Variants in HS1BP3 observed in about 807,000 individuals in gnomAD.
HS1BP3 encodes the protein HCLS1-binding protein 3.
A neutral mutation model predicts 33.5 loss-of-function variants in HS1BP3; 32 were observed. The observed-to-expected ratio is 0.95, with a 90% CI of 0.72 to 1.28. The LOEUF is 1.28. Ranked by LOEUF, HS1BP3 falls within the 50% of genes most tolerant of loss-of-function variation. The pLI, the probability that HS1BP3 is intolerant of heterozygous loss-of-function variation, is 0.00. For missense variants in HS1BP3, 486 were observed against 502.3 expected (o/e 0.97, Z 0.31); for synonymous variants, 187 against 209.2 (o/e 0.89, Z 0.92).
downstream of HS1BP3, among the ~76,000 whole-genome samples, chr2:20,615,224 C>T (rs368125557): frequency 1.9e-4 from 29 of 152,386 alleles, no homozygotes; most frequent in East Asian, 1.9e-3. Flanking sequence ...AGTCTCTTCA[C>T]TTGGCACTGT....
intron 2 of HS1BP3, among the ~76,000 whole-genome samples, chr2:20,641,962 G>A (rs11678019): frequency 0.16 from 24,629 of 152,194 alleles, 2,224 homozygotes; most frequent in Non-Finnish European, 0.2. Flanking sequence ...CAGTGCCATC[G>A]CCGTGTCTGT....
exon 3 of HS1BP3, chr2:20,598,213 T>C (rs1453941039): frequency 2.5e-6 from 1 of 400,448 alleles, no homozygotes; most frequent in Non-Finnish European, 5.1e-6. Context: ...CTCACCATAA[T>C]GTAGAATCAG....
downstream of HS1BP3, among the ~76,000 whole-genome samples, chr2:20,556,012 A>T (rs1427547372): frequency 6.6e-6 from 1 of 152,248 alleles, no homozygotes; most frequent in Non-Finnish European, 1.5e-5. Flanking sequence ...AGACAGGTGC[A>T]AAATAAAGAT....
intron 5 of HS1BP3, among the ~76,000 whole-genome samples, chr2:20,583,145 T>C (rs1203485464): frequency 6.6e-6 from 1 of 152,224 alleles, no homozygotes; most frequent in African/African-American, 2.4e-5. Context: ...GGTCCCTCAC[T>C]TCTGAACAAC....
At chr2:20,575,723 G>C (rs1016105942) in intron 5 of HS1BP3, among the ~76,000 whole-genome samples, 3 of 151,046 alleles carry the variant, frequency 2.0e-5, no homozygotes, top group African/African-American at 7.3e-5. Flanking sequence ...TCTTCCACAC[G>C]GGGGCCTGGC....
At chr2:20,626,673 GTCCTGTGCTTTCTCCACCCAGCTCA>G (rs1694795593) in intron 4 of HS1BP3, among the ~76,000 whole-genome samples, 2 of 152,184 alleles carry the variant, frequency 1.3e-5, no homozygotes, top group African/African-American at 4.8e-5. Flanking sequence ...CATCTGCCTG[GTCCTGTGCTTTCTCCACCCAGCTCA>G]GGCCATGAGG....
At chr2:20,609,191 C>T (rs532660159) in intron 2 of HS1BP3, among the ~76,000 whole-genome samples, 2 of 152,174 alleles carry the variant, frequency 1.3e-5, no homozygotes, top group Non-Finnish European at 2.9e-5. Context: ...GGCCGCCAGG[C>T]GCTGCATCAG....
chr2:20,573,877 G>C (rs1693336675), intron 5 of HS1BP3, among the ~76,000 whole-genome samples: 1 of 152,208 alleles, frequency 6.6e-6, no homozygotes, highest in African/African-American at 2.4e-5. Context: ...AGGACAAGGA[G>C]GGCCAAGCGC....
chr2:20,558,450 T>TG (rs1194791580), downstream of HS1BP3, among the ~76,000 whole-genome samples: 2 of 152,154 alleles, frequency 1.3e-5, no homozygotes, highest in Non-Finnish European at 2.9e-5. Flanking sequence ...TTGAGGTCAG[T>TG]GGGGTATCAT....
At chr2:20,593,370 TTG>T (rs1693864820) in intron 3 of HS1BP3, among the ~76,000 whole-genome samples, 1 of 152,206 alleles carries the variant, frequency 6.6e-6, no homozygotes, top group Non-Finnish European at 1.5e-5. Context: ...GGCCACAGGC[TTG>T]TTTTGTCAGT....
chr2:20,638,825 T>C (rs1218991632), intron 3 of HS1BP3, among the ~76,000 whole-genome samples, 173 bp from the exon 4 acceptor site: 2 of 152,100 alleles, frequency 1.3e-5, no homozygotes, highest in African/African-American at 4.8e-5. Context: ...TCTGGGTGGA[T>C]GGAAGGTGAC....
At chr2:20,581,054 G>A (rs1439004380) in intron 5 of HS1BP3, among the ~76,000 whole-genome samples, 6 of 152,272 alleles carry the variant, frequency 3.9e-5, no homozygotes, top group Middle Eastern at 3.4e-3. Flanking sequence ...GCTGTCTTCC[G>A]CAAAAGTTGG....
At chr2:20,636,233 C>T (rs1296883489) in intron 4 of HS1BP3, 2 of 152,314 alleles carry the variant, frequency 1.3e-5, no homozygotes, top group African/African-American at 2.4e-5. Flanking sequence ...ACAAGCCCAC[C>T]TGGGTGTCTG....
At chr2:20,570,048 G>T (rs1297125533) in intron 5 of HS1BP3, among the ~76,000 whole-genome samples, 1 of 152,060 alleles carries the variant, frequency 6.6e-6, no homozygotes, top group East Asian at 1.9e-4. Context: ...TATGCAACGG[G>T]CTGCACCTGG....
intron 2 of HS1BP3, among the ~76,000 whole-genome samples, chr2:20,644,879 G>A (rs934334537): frequency 1.3e-5 from 2 of 152,042 alleles, no homozygotes; most frequent in African/African-American, 2.4e-5. Context: ...CATCTTCCCC[G>A]CTTCCTCCCA....
At chr2:20,620,705 C>T (rs1694569624) in intron 6 of HS1BP3, among the ~76,000 whole-genome samples, 1 of 152,250 alleles carries the variant, frequency 6.6e-6, no homozygotes, top group Non-Finnish European at 1.5e-5. Flanking sequence ...ACTTGCTCTA[C>T]CATCCTCACA....
chr2:20,571,803 CGAGCTCGAAGTA>C (rs1332014451), intron 5 of HS1BP3, among the ~76,000 whole-genome samples: 3 of 152,218 alleles, frequency 2.0e-5, no homozygotes, highest in Admixed American at 2.0e-4. Context: ...TGCCACTTCA[CGAGCTCGAAGTA>C]GAGCCTGGTA....
At position 20,618,587 on chromosome 2, in the gene HS1BP3, T is replaced by C; in HGVS notation, c.*400A>G. 1 of 420,560 alleles carries C rather than the reference T, an allele frequency of 2.4e-6. No homozygotes were observed. Among genetic ancestry groups the C allele is most frequent in the South Asian group, 8.6e-5 (1 of 11,572 alleles). The allele number at this position is 420,560 out of a possible 1,614,324, so 26.1% of individuals were successfully genotyped here. On this transcript the variant is annotated 3_prime_UTR_variant, in exon 7 of 7. Coordinates refer to ENST00000304031, the MANE Select transcript of HS1BP3 (RefSeq NM_022460.4). ...AGGAGGGATAGAGGCCCAGCCCCAG[T>C]TTGGGTCTGTGCTGGGGCTGGCAGA...
chr2:20,591,583 T>C (rs1693815944), downstream of HS1BP3, among the ~76,000 whole-genome samples: 1 of 152,146 alleles, frequency 6.6e-6, no homozygotes, highest in African/African-American at 2.4e-5. Context: ...TGTTTGTTTG[T>C]TTTTTTGAGG....
Sources: gnomAD v4.1 joint callset for allele counts (sites outside exome capture counted in the v4.1 genomes callset) on GRCh38, gnomAD v4.1.1 for gene constraint, MANE v1.5 for transcripts, NCBI Gene and HGNC (gene_info 2026-07-23, HGNC 2026-07-21) for gene names.